The following PHLPP2 variants were observed in gnomAD, a reference collection of about 807,000 sequenced individuals.
PHLPP2 encodes the protein PH domain and leucine rich repeat protein phosphatase 2, also known as PH domain leucine-rich repeat-containing protein phosphatase 2.
Under a neutral mutation model 124.9 loss-of-function variants are expected in PHLPP2, and 66 were observed. The observed-to-expected ratio is 0.53, with a 90% confidence interval of 0.43 to 0.65. PHLPP2 has a LOEUF of 0.65. Among genes scored for constraint, PHLPP2 ranks in the 30% least tolerant of loss-of-function variants. PHLPP2 has a pLI of 0.00. For missense variants in PHLPP2, 1,685 were observed against 1,600.4 expected (o/e 1.05, Z -0.90); for synonymous variants, 681 against 624.7 (o/e 1.09, Z -1.34).
Position 71,645,076 on chromosome 16 carries a change from T to C in PHLPP2, c.*3814A>G. On this transcript the variant is annotated 3_prime_UTR_variant, in exon 19 of 19. Transcript: ENST00000568954. ...TTTCAAAAATATCAAAAATACACTA[T>C]AATGAGTCTTAAGACTACAATACGA... is the stretch of plus-strand genomic sequence containing the variant. The C allele has an allele frequency of 3.6e-6, 1 of 274,590 alleles. No individual in the cohort carries two copies. Among genetic ancestry groups the C allele is most frequent in the Non-Finnish European group, 7.1e-6 (1 of 140,006 alleles). The allele number at this position is 274,590 out of a possible 1,614,324, so 17.0% of individuals were successfully genotyped here. A position where few individuals can be genotyped will look rare whatever the true frequency, so the allele number is the denominator to read the frequency against.
chr16:71,688,638 G>A (rs1327493935), intron 4 of PHLPP2, among the ~76,000 whole-genome samples: 1 of 141,102 alleles, frequency 7.1e-6, no homozygotes, highest in Non-Finnish European at 1.5e-5. Context: ...ATGTGTGTGA[G>A]AGGGAGTTTA....
chr16:71,676,516 C>T lies in PHLPP2; in HGVS notation c.1402G>A (p.Gly468Arg). 1 of 1,614,218 alleles carries T rather than the reference C, an allele frequency of 6.2e-7. No homozygotes were observed. Among genetic ancestry groups the T allele is most frequent in the Non-Finnish European group, 8.5e-7 (1 of 1,180,010 alleles). ...GTTAGCTCCCTCAGCTGATTCCGCC[C>T]ACAGTGCAGCTGTTCCAAGCTGCAT... Reference protein sequence around the residue: ...SLCSLEQLHCGRNQLRELTLS... With the variant: ...SLCSLEQLHCRRNQLRELTLS... Residue 468 changes from glycine to arginine, a missense_variant, in exon 9 of 19, where the codon GGG becomes AGG. Gly to Arg is a moderately radical substitution (Grantham distance 125). Coordinates refer to ENST00000568954, the MANE Select transcript of PHLPP2 (RefSeq NM_015020.3).
chr16:71,699,351 C>T (rs1339187052), intron 3 of PHLPP2, among the ~76,000 whole-genome samples: 1 of 152,236 alleles, frequency 6.6e-6, no homozygotes, highest in South Asian at 2.1e-4. Context: ...TCCAAAACTA[C>T]CTACAGCACC....
chr16:71,681,967 G>A, intron 5 of PHLPP2, 62 bp from the exon 6 acceptor site: 1 of 1,195,760 alleles, frequency 8.4e-7, no homozygotes, highest in Non-Finnish European at 1.1e-6. Flanking sequence ...ACCCAGCAAA[G>A]AATGGAATGG....
Position 71,649,805 on chromosome 16 carries a change from G to T in PHLPP2, c.3057C>A (p.Ser1019Arg). The T allele has an allele frequency of 6.2e-7, 1 of 1,614,216 alleles. No homozygotes were observed. Among genetic ancestry groups the T allele is most frequent in the Non-Finnish European group, 8.5e-7 (1 of 1,180,030 alleles). The change falls in exon 19 of 19, where the codon AGC becomes AGA. Residue 1019 changes from serine to arginine, a missense_variant. By Grantham distance (110) the Ser-to-Arg change is moderately radical (BLOSUM62 -1). Transcript: ENST00000568954. ...CCCCTACATTGTCCTGACAGCCATA[G>T]CTCTGCGCTAATGTGCACAGCTTCT... ...AAKKLCTLAQ[S>R]YGCQDNVGAM...
At chr16:71,659,410 C>G (rs897640690) in intron 13 of PHLPP2, among the ~76,000 whole-genome samples, 4 of 152,082 alleles carry the variant, frequency 2.6e-5, no homozygotes, top group Non-Finnish European at 5.9e-5. Flanking sequence ...CGCCACCACG[C>G]CCGGCTAATT....
chr16:71,656,469 A>T, intron 16 of PHLPP2, 102 bp downstream of exon 16: 2 of 691,132 alleles, frequency 2.9e-6, no homozygotes, highest in Non-Finnish European at 5.2e-6. Context: ...TTGTCTGTGT[A>T]CAACAGAACA....
chr16:71,681,100 T>C (rs1219384901), intron 6 of PHLPP2, among the ~76,000 whole-genome samples: 1 of 152,204 alleles, frequency 6.6e-6, no homozygotes. Flanking sequence ...TTAAATCACT[T>C]TGAATGCTTT....
chr16:71,702,558 T>A (rs1338536066), intron 3 of PHLPP2, 40 bp downstream of exon 3: 3 of 1,557,532 alleles, frequency 1.9e-6, no homozygotes, highest in African/African-American at 2.7e-5. Context: ...ATGATCAACC[T>A]AAAAGTAGTT....
At position 71,655,315 on chromosome 16, in the gene PHLPP2, T is replaced by C; in HGVS notation, c.2510A>G (p.Asp837Gly). 6.2e-7 allele frequency: 1 copy of C among 1,613,990 alleles called. No individual in the cohort carries two copies. Among genetic ancestry groups the C allele is most frequent in the Non-Finnish European group, 8.5e-7 (1 of 1,179,862 alleles). Residue 837 changes from aspartate to glycine, a missense_variant, in exon 17 of 19, where the codon GAT (aspartate) becomes GGT (glycine). By Grantham distance (94) the Asp-to-Gly change is moderately conservative. Transcript: ENST00000568954. Reference protein sequence around the residue: ...LPRLLQCTMADVLLEEVQQST... With the variant: ...LPRLLQCTMAGVLLEEVQQST... ...CTGCTGTACCTCTTCTAAAAGCACA[T>C]CTGCCATCGTACACTGCAGCAGGCG... is the stretch of plus-strand genomic sequence containing the variant.
At chr16:71,723,672 G>T in intron 1 of PHLPP2, 1 of 519,168 alleles carries the variant, frequency 1.9e-6, no homozygotes, top group Non-Finnish European at 3.0e-6. Context: ...ACTGCGCGGG[G>T]CGGGGGCGGC....
chr16:71,678,503 C>T (rs2044967821), intron 8 of PHLPP2: 1 of 405,396 alleles, frequency 2.5e-6, no homozygotes, highest in Middle Eastern at 7.1e-4. Flanking sequence ...AGCCAGGCCT[C>T]GTGGTGCGCA....
intron 5 of PHLPP2, among the ~76,000 whole-genome samples, chr16:71,682,313 G>C (rs575019443): frequency 6.6e-6 from 1 of 151,500 alleles, no homozygotes; most frequent in East Asian, 1.9e-4. Context: ...CGTCTCCTGG[G>C]CTCAAGCAAT....
chr16:71,700,421 TA>T (rs573643274), intron 3 of PHLPP2, among the ~76,000 whole-genome samples: 62 of 140,714 alleles, frequency 4.4e-4, no homozygotes, highest in Admixed American at 1.2e-3. Context: ...AATAAAAAAT[TA>T]AAAAAAAAAA....
chr16:71,667,077 C>CG, intron 12 of PHLPP2, 101 bp downstream of exon 12: 2 of 975,036 alleles, frequency 2.1e-6, no homozygotes, highest in Non-Finnish European at 3.0e-6. Flanking sequence ...ATTAGGTAAA[C>CG]GCTCTGTAAA....
Position 71,719,964 on chromosome 16 carries a change from A to ATTTTTTTT in PHLPP2, c.-7+4357_-7+4364dup, listed in dbSNP as rs756642820. ...AGGTGCACAACACCATGCCCAGCTAATTTTTTTTTTTTTTTTTTTTTTTTG... is the reference window on the plus strand; with the variant it reads ...AGGTGCACAACACCATGCCCAGCTAATTTTTTTTTTTTTTTTTTTTTTTTTTTTTTTTG... On this transcript the variant is annotated intron_variant, in intron 1 of 18. Transcript: ENST00000568954. Among the ~76,000 whole-genome samples, 202 of 53,242 alleles carry ATTTTTTTT rather than the reference A, an allele frequency of 3.8e-3. 25 individuals carry two copies. Among genetic ancestry groups the ATTTTTTTT allele is most frequent in the African/African-American group, 0.014 (171 of 11,980 alleles). 34.9% of individuals were successfully genotyped at this position (53,242 alleles called of 152,430 possible). A position where few individuals can be genotyped will look rare whatever the true frequency, so the allele number is the denominator to read the frequency against.
chr16:71,721,296 G>A (rs1274142541), intron 1 of PHLPP2, among the ~76,000 whole-genome samples: 4 of 151,040 alleles, frequency 2.6e-5, no homozygotes, highest in Admixed American at 1.3e-4. Context: ...CAAGAGAGAG[G>A]CTCTGCCTCA....
intron 17 of PHLPP2, 35 bp from the exon 18 acceptor site, chr16:71,653,056 G>T: frequency 1.4e-6 from 2 of 1,432,384 alleles, no homozygotes; most frequent in Non-Finnish European, 1.9e-6. Flanking sequence ...AGACGTGGTG[G>T]CTAGTTTTAG....
At chr16:71,664,246 T>C in intron 12 of PHLPP2, 147 bp from the exon 13 acceptor site, 1 of 632,194 alleles carries the variant, frequency 1.6e-6, no homozygotes, top group Non-Finnish European at 2.8e-6. Flanking sequence ...AGTTTTTCTC[T>C]AATTGATCCT....
Sources: gnomAD v4.1 joint callset for allele counts (sites outside exome capture counted in the v4.1 genomes callset) on GRCh38, gnomAD v4.1.1 for gene constraint, MANE v1.5 for transcripts, NCBI Gene and HGNC (gene_info 2026-07-23, HGNC 2026-07-21) for gene names.